Variants in FRY observed in about 807,000 individuals in gnomAD.
FRY encodes the protein FRY microtubule binding protein.
A neutral mutation model predicts 348.4 loss-of-function variants in FRY; 128 were observed. The observed-to-expected ratio is 0.37, with a 90% CI of 0.32 to 0.43. The LOEUF (loss-of-function observed/expected upper bound fraction) is 0.43. Ranked by LOEUF, FRY falls within the 20% of genes least tolerant of loss-of-function variation. The probability of loss-of-function intolerance (pLI) is 1.00; values close to 1 mark genes in which losing one functional copy is unlikely to be tolerated. For synonymous variants in FRY, 1,370 were observed against 1,374.7 expected (o/e 1.00, Z 0.08); for missense variants, 2,736 against 3,695.2 (o/e 0.74, Z 6.73).
chr13:32,247,523 T>A (rs758561355), intron 48 of FRY, 21 bp downstream of exon 48: 1 of 1,579,746 alleles, frequency 6.3e-7, no homozygotes, highest in Non-Finnish European at 8.7e-7. Context: ...ATGTTAACTA[T>A]TTCTGTGAAC....
chr13:32,098,980 C>T (rs1018767862), intron 2 of FRY, among the ~76,000 whole-genome samples: 19 of 151,786 alleles, frequency 1.3e-4, no homozygotes, highest in African/African-American at 4.6e-4. Context: ...GATAAGACCA[C>T]CATGTGCGTT....
chr13:32,228,002 A>G (rs867051846), intron 39 of FRY, among the ~76,000 whole-genome samples: 9 of 152,136 alleles, frequency 5.9e-5, no homozygotes, highest in South Asian at 2.1e-4. Flanking sequence ...CACCCGCCTC[A>G]GCCTCCCAAA....
At chr13:32,107,701 C>T (rs567177280) in intron 3 of FRY, among the ~76,000 whole-genome samples, 7 of 152,240 alleles carry the variant, frequency 4.6e-5, no homozygotes, top group East Asian at 1.9e-4. Flanking sequence ...AAATGATAAC[C>T]GCAGACTAGT....
chr13:32,278,724 G>A, intron 58 of FRY, 176 bp downstream of exon 58: 2 of 712,122 alleles, frequency 2.8e-6, no homozygotes, highest in South Asian at 1.4e-5. Context: ...GTGTGTTGAT[G>A]GGATTTGTGG....
At chr13:32,215,105 T>C (rs9315161) in intron 35 of FRY, among the ~76,000 whole-genome samples, 42,930 of 152,098 alleles carry the variant, frequency 0.28, 6,720 homozygotes, top group African/African-American at 0.42. Flanking sequence ...GGTGTCTTAA[T>C]TCCTGACTAA....
chr13:32,135,056 T>C (rs1243051496), intron 9 of FRY, 29 bp from the exon 10 acceptor site: 10 of 1,542,080 alleles, frequency 6.5e-6, no homozygotes, highest in Non-Finnish European at 8.1e-6. Context: ...ATTTTATTAA[T>C]ATAATATTCA....
At chr13:32,134,086 A>G (rs931453686) in intron 8 of FRY, among the ~76,000 whole-genome samples, 13 of 151,834 alleles carry the variant, frequency 8.6e-5, no homozygotes, top group Non-Finnish European at 1.9e-4. Flanking sequence ...GCTGCCCTGG[A>G]CTCTTGAATG....
At chr13:32,242,499 A>G (rs900646282) in intron 46 of FRY, among the ~76,000 whole-genome samples, 2 of 152,048 alleles carry the variant, frequency 1.3e-5, no homozygotes, top group East Asian at 1.9e-4. Flanking sequence ...TTTCCACATT[A>G]TAGATTTACA....
chr13:32,198,398 T>C (rs1341421139), intron 29 of FRY, among the ~76,000 whole-genome samples: 1 of 152,238 alleles, frequency 6.6e-6, no homozygotes, highest in African/African-American at 2.4e-5. Context: ...GTTTCCTTTC[T>C]ACTTTTATAG....
chr13:32,049,903 G>T (rs1381504835), intron 1 of FRY, among the ~76,000 whole-genome samples: 1 of 152,256 alleles, frequency 6.6e-6, no homozygotes, highest in South Asian at 2.1e-4. Flanking sequence ...ATAGGCAGAA[G>T]CAATTATTTG....
chr13:32,255,260 G>A (rs772008788), intron 51 of FRY, among the ~76,000 whole-genome samples: 2 of 152,130 alleles, frequency 1.3e-5, no homozygotes, highest in South Asian at 2.1e-4. Context: ...TTTCCCAAAC[G>A]ACTCTCTGCT....
At chr13:32,101,900 T>C in intron 2 of FRY, 63 bp from the exon 3 acceptor site, 5 of 958,046 alleles carry the variant, frequency 5.2e-6, no homozygotes, top group Non-Finnish European at 6.8e-6. Context: ...AATAATGGCA[T>C]TTCTTTTATA....
intron 1 of FRY, among the ~76,000 whole-genome samples, chr13:32,047,737 GT>G (rs11338252): frequency 0.66 from 100,536 of 151,506 alleles, 33,701 homozygotes; most frequent in African/African-American, 0.72. Flanking sequence ...CTCCTGGCTA[GT>G]TTTTTTGTAT....
At chr13:32,091,608 T>C (rs1876316470) in intron 2 of FRY, among the ~76,000 whole-genome samples, 1 of 152,186 alleles carries the variant, frequency 6.6e-6, no homozygotes, top group Non-Finnish European at 1.5e-5. Flanking sequence ...CACAGTTGGG[T>C]CCACAGCTCT....
chr13:32,215,363 C>A (rs1288576759), intron 35 of FRY, among the ~76,000 whole-genome samples: 5 of 151,998 alleles, frequency 3.3e-5, no homozygotes, highest in Non-Finnish European at 5.9e-5. Context: ...ACATTAAATG[C>A]CTGTATCAAA....
chr13:32,066,164 G>C (rs1337983401), intron 1 of FRY, among the ~76,000 whole-genome samples: 1 of 152,114 alleles, frequency 6.6e-6, no homozygotes, highest in African/African-American at 2.4e-5. Flanking sequence ...TATTACATTT[G>C]GTTGTTTTAT....
rs1882484776 is a variant in FRY, at chr13:32,178,180, A to G, written c.2425A>G (p.Thr809Ala). The change falls in exon 21 of 61, where the codon ACA (threonine) becomes GCA (alanine). Residue 809 changes from threonine (T) to alanine (A), a missense_variant. Thr to Ala is a moderately conservative substitution (Grantham distance 58, BLOSUM62 0). Transcript: ENST00000542859. ...FIHVAVSDSA[T>A]LPLTHNVDLQ... The stretch of plus-strand genomic sequence containing the variant: ...AACCTACCTCTTATACCTACAGGCA[A>G]CATTACCACTCACCCACAATGTGGA... 5 of 1,614,100 alleles carry G rather than the reference A, an allele frequency of 3.1e-6. No homozygotes were observed. Among genetic ancestry groups the G allele is most frequent in the African/African-American group, 2.7e-5 (2 of 74,944 alleles).
chr13:32,212,163 A>C (rs1884724130), intron 34 of FRY, 129 bp from the exon 35 acceptor site: 6 of 673,470 alleles, frequency 8.9e-6, no homozygotes, highest in Non-Finnish European at 1.6e-5. Context: ...GAGATTGTGC[A>C]GAAGATGTAA....
chr13:32,118,205 A>T (rs1327592268), intron 4 of FRY, among the ~76,000 whole-genome samples: 3 of 152,230 alleles, frequency 2.0e-5, no homozygotes, highest in Admixed American at 6.5e-5. Context: ...AAGGCAGTGA[A>T]TATAAGAAAG....
Sources: allele counts gnomAD v4.1 joint callset (sites outside exome capture counted in the v4.1 genomes callset), GRCh38; gene constraint gnomAD v4.1.1; transcripts MANE v1.5; gene names NCBI Gene and HGNC (gene_info 2026-07-23, HGNC 2026-07-21).